The following PSD3 variants were observed in gnomAD, a reference collection of about 807,000 sequenced individuals.
PSD3 encodes the protein pleckstrin and Sec7 domain containing 3, also known as PH and SEC7 domain-containing protein 3.
Under a neutral mutation model 105.5 loss-of-function variants are expected in PSD3, and 49 were observed. That is an observed-to-expected ratio of 0.46 (90% CI 0.37 to 0.59). The LOEUF (loss-of-function observed/expected upper bound fraction) is 0.59, where lower values mean the gene tolerates loss of function less well. Among genes scored for constraint, PSD3 ranks in the 20% least tolerant of loss-of-function variants. The probability of loss-of-function intolerance (pLI) is 0.00; values close to 1 mark genes in which losing one functional copy is unlikely to be tolerated. For synonymous variants in PSD3, 557 were observed against 457.8 expected (o/e 1.22, Z -2.77); for missense variants, 1,561 against 1,263.8 (o/e 1.24, Z -3.57).
At chr8:18,747,756 T>A (rs1324448572) in intron 9 of PSD3, among the ~76,000 whole-genome samples, 1 of 152,092 alleles carries the variant, frequency 6.6e-6, no homozygotes, top group Non-Finnish European at 1.5e-5. Flanking sequence ...TGTACCAATG[T>A]CTGCTCAGTA....
intron 1 of PSD3, among the ~76,000 whole-genome samples, chr8:18,968,853 G>A (rs1484107071): frequency 4.4e-5 from 6 of 135,612 alleles, no homozygotes; most frequent in African/African-American, 1.1e-4. Flanking sequence ...TGCAGCCTGC[G>A]TGACAGAGCA....
At position 18,840,787 on chromosome 8, in the gene PSD3, C is replaced by G. The variant is rs534920115; in HGVS notation, c.1634+26887G>C. Among the ~76,000 whole-genome samples the G allele has an allele frequency of 2.6e-4, 40 of 152,226 alleles. No individual in the cohort carries two copies. The South Asian group carries it at 7.7e-3, about 29-fold the overall frequency. On this transcript the variant is annotated intron_variant, in intron 4 of 15. Coordinates refer to ENST00000327040, the MANE Select transcript of PSD3 (RefSeq NM_015310.4). The stretch of plus-strand genomic sequence containing the variant: ...CAGTGTGGGACAGCAGATTCACAGA[C>G]AGCAGTCAGATTGGAGAGGCACATG...
chr8:18,994,171 G>A (rs1825944432), intron 1 of PSD3, among the ~76,000 whole-genome samples: 1 of 152,032 alleles, frequency 6.6e-6, no homozygotes, highest in Non-Finnish European at 1.5e-5. Flanking sequence ...ATGAGGGGCA[G>A]TAAATTATCC....
intron 1 of PSD3, among the ~76,000 whole-genome samples, chr8:18,993,636 T>C (rs1825920420): frequency 6.6e-6 from 1 of 151,942 alleles, no homozygotes; most frequent in Non-Finnish European, 1.5e-5. Flanking sequence ...TTCAGTTGTA[T>C]GCTTTAGCTC....
chr8:18,936,195 A>G, intron 1 of PSD3, 53 bp from the exon 2 acceptor site: 12 of 1,138,110 alleles, frequency 1.1e-5, no homozygotes, highest in Middle Eastern at 2.0e-4. Flanking sequence ...ATTAAAAAAC[A>G]CATCATAAAA....
At chr8:18,978,416 T>C (rs937965359) in intron 1 of PSD3, among the ~76,000 whole-genome samples, 20 of 152,174 alleles carry the variant, frequency 1.3e-4, no homozygotes, top group Admixed American at 2.6e-4. Context: ...GATTTGGAAG[T>C]AGAAAGGGAA....
intron 9 of PSD3, among the ~76,000 whole-genome samples, chr8:18,674,119 C>A (rs905763481): frequency 2.6e-5 from 4 of 151,464 alleles, no homozygotes; most frequent in African/African-American, 9.7e-5. Context: ...GCAGTCCAGA[C>A]TGGATGAAAG....
chr8:18,690,464 C>T (rs1053825535), intron 9 of PSD3, among the ~76,000 whole-genome samples: 3 of 152,196 alleles, frequency 2.0e-5, no homozygotes, highest in Non-Finnish European at 4.4e-5. Flanking sequence ...CCAGGCCTTT[C>T]CAGCTAATAC....
intron 9 of PSD3, among the ~76,000 whole-genome samples, chr8:18,763,761 G>A (rs1373377386): frequency 6.6e-6 from 1 of 152,124 alleles, no homozygotes. Flanking sequence ...CATTCCTACT[G>A]AAATGGAAAA....
At chr8:18,860,971 A>G (rs1032977488) in intron 4 of PSD3, among the ~76,000 whole-genome samples, 1 of 152,198 alleles carries the variant, frequency 6.6e-6, no homozygotes, top group African/African-American at 2.4e-5. Context: ...TCACACCAGT[A>G]GCCACCAATA....
chr8:18,944,308 G>A (rs539307080), intron 1 of PSD3, among the ~76,000 whole-genome samples: 1 of 152,098 alleles, frequency 6.6e-6, no homozygotes, highest in African/African-American at 2.4e-5. Flanking sequence ...GGTGGCTCAC[G>A]CCTGCAATCC....
intron 12 of PSD3, among the ~76,000 whole-genome samples, chr8:18,576,121 A>G (rs544247542): frequency 6.6e-6 from 1 of 152,106 alleles, no homozygotes; most frequent in Non-Finnish European, 1.5e-5. Flanking sequence ...ATTTTCACAA[A>G]AACAATGCCA....
rs189058965 is a variant in PSD3 at position 18,874,225 on chromosome 8, G to A, written c.131-1492C>T. ...TTTCCAGGCTGGAGTGTAGTGGTAC[G>A]ATCTCGGTTCACTGCAACCTCTACC... On this transcript the variant is annotated intron_variant, in intron 2 of 15. Coordinates refer to ENST00000327040, the MANE Select transcript of PSD3 (RefSeq NM_015310.4). Among the ~76,000 whole-genome samples the A allele has an allele frequency of 4.0e-4, 60 of 151,652 alleles. 1 individual carries two copies. The highest frequency in any genetic ancestry group is 5.9e-4 in the Admixed American group (9 of 15,218).
chr8:19,003,448 C>G (rs1057358416), intron 1 of PSD3, among the ~76,000 whole-genome samples: 1 of 152,066 alleles, frequency 6.6e-6, no homozygotes, highest in East Asian at 1.9e-4. Flanking sequence ...TTCTCACTCT[C>G]CTGAAATTCT....
At chr8:19,047,244 T>C (rs1828352911) in intron 1 of PSD3, among the ~76,000 whole-genome samples, 1 of 152,208 alleles carries the variant, frequency 6.6e-6, no homozygotes, top group Non-Finnish European at 1.5e-5. Context: ...GGTCCCTCTC[T>C]AACTCTGCAG....
At chr8:18,566,303 C>A (rs959680576) in intron 14 of PSD3, among the ~76,000 whole-genome samples, 1 of 151,958 alleles carries the variant, frequency 6.6e-6, no homozygotes, top group African/African-American at 2.4e-5. Context: ...GGTGGGCAGA[C>A]TGCTTGAGGC....
intron 9 of PSD3, among the ~76,000 whole-genome samples, chr8:18,739,487 G>A (rs534072077): frequency 2.0e-5 from 3 of 152,102 alleles, no homozygotes; most frequent in East Asian, 3.9e-4. Flanking sequence ...TTTATTATAG[G>A]GTTGAAAATA....
chr8:18,985,082 C>T (rs1367367609), intron 1 of PSD3, among the ~76,000 whole-genome samples: 1 of 152,058 alleles, frequency 6.6e-6, no homozygotes, highest in Non-Finnish European at 1.5e-5. Context: ...TGCAGGTGCC[C>T]GCCACCACAC....
Position 18,632,707 on chromosome 8 carries a change from G to C in PSD3, c.2316C>G (p.Asn772Lys), listed in dbSNP as rs780411144. The change falls in exon 11 of 16, where the codon AAC becomes AAG. Residue 772 changes from asparagine to lysine, a missense_variant. Transcript: ENST00000327040. The part of the protein sequence containing the change: ...KTISRIGSTT[N>K]PFLDIPHDPN... Reference sequence around the variant, plus strand: ...GATCATGAGGAATGTCCAAAAATGGGTTAGTAGTACTTCCAATACGACTGA... The same window carrying C: ...GATCATGAGGAATGTCCAAAAATGGCTTAGTAGTACTTCCAATACGACTGA... 18 of 1,612,030 alleles carry C rather than the reference G, an allele frequency of 1.1e-5. No individual in the cohort carries two copies. The East Asian group carries it at 3.6e-4, about 32-fold the overall frequency.
Sources: gnomAD v4.1 joint callset for allele counts (sites outside exome capture counted in the v4.1 genomes callset) on GRCh38, gnomAD v4.1.1 for gene constraint, MANE v1.5 for transcripts, NCBI Gene and HGNC (gene_info 2026-07-23, HGNC 2026-07-21) for gene names.